The following PIK3C2G variants were observed in gnomAD, a reference collection of about 807,000 sequenced individuals.
The protein encoded by PIK3C2G is phosphatidylinositol-4-phosphate 3-kinase catalytic subunit type 2 gamma.
PIK3C2G carries 168 observed loss-of-function variants against 181.1 expected under a neutral mutation model. That is an observed-to-expected ratio of 0.93 (90% confidence interval 0.82 to 1.05). PIK3C2G has a LOEUF of 1.05. Ranked by LOEUF, PIK3C2G falls within the 50% of genes least tolerant of loss-of-function variation. The pLI, the probability that PIK3C2G is intolerant of heterozygous loss-of-function variation, is 0.00. For synonymous variants in PIK3C2G, 573 were observed against 592.2 expected, an observed-to-expected ratio of 0.97 and a Z score of 0.47; for missense variants, 1,869 against 1,732.8, an observed-to-expected ratio of 1.08 and a Z score of -1.40.
intron 2 of PIK3C2G, among the ~76,000 whole-genome samples, chr12:18,285,617 C>T (rs1048099556): frequency 6.6e-6 from 1 of 151,610 alleles, no homozygotes; most frequent in African/African-American, 2.4e-5. Flanking sequence ...ATATTAAATG[C>T]AATGGTACAA....
intron 31 of PIK3C2G, among the ~76,000 whole-genome samples, chr12:18,618,917 G>T (rs1948722581): frequency 6.6e-6 from 1 of 152,010 alleles, no homozygotes; most frequent in Non-Finnish European, 1.5e-5. Context: ...GAGGAAAAAA[G>T]ATTGAAATAA....
chr12:18,626,098 T>C (rs1262580894), intron 31 of PIK3C2G, among the ~76,000 whole-genome samples: 1 of 151,428 alleles, frequency 6.6e-6, no homozygotes, highest in Non-Finnish European at 1.5e-5. Flanking sequence ...AGATACTTGG[T>C]TTTTTTCTTC....
At chr12:18,660,561 G>C in the PIK3C2G span, among the ~76,000 whole-genome samples, 3 of 151,810 alleles carry the variant, frequency 2.0e-5, no homozygotes, top group Non-Finnish European at 4.4e-5. Flanking sequence ...GAAAGTAACT[G>C]TGCATGCCCG....
chr12:18,523,535 A>T (rs1430527238), intron 24 of PIK3C2G, among the ~76,000 whole-genome samples: 1 of 152,226 alleles, frequency 6.6e-6, no homozygotes, highest in East Asian at 1.9e-4. Flanking sequence ...GCCTCCTAGC[A>T]TGGGGAAGAC....
chr12:18,442,142 G>A (rs546909556), intron 18 of PIK3C2G, among the ~76,000 whole-genome samples: 1 of 152,206 alleles, frequency 6.6e-6, no homozygotes, highest in African/African-American at 2.4e-5. Context: ...TATACAATAT[G>A]TTTTTGCATC....
intron 29 of PIK3C2G, among the ~76,000 whole-genome samples, chr12:18,568,406 G>C (rs1411882995): frequency 1.3e-5 from 2 of 151,126 alleles, no homozygotes; most frequent in African/African-American, 4.8e-5. Context: ...GTGTGTGTGT[G>C]TGTGTGTCTG....
chr12:18,431,535 T>A (rs527561339), intron 18 of PIK3C2G, among the ~76,000 whole-genome samples: 1 of 152,184 alleles, frequency 6.6e-6, no homozygotes, highest in Admixed American at 6.5e-5. Context: ...TAAATACTGA[T>A]AAAGGCTTAC....
chr12:18,634,469 A>G (rs508378), intron 31 of PIK3C2G, among the ~76,000 whole-genome samples: 81,510 of 152,034 alleles, frequency 0.54, 23,391 homozygotes, highest in Admixed American at 0.63. Flanking sequence ...ACGCAAATCC[A>G]TTTTCACAGT....
At chr12:18,446,884 T>C (rs1333917203) in intron 18 of PIK3C2G, among the ~76,000 whole-genome samples, 2 of 152,164 alleles carry the variant, frequency 1.3e-5, no homozygotes, top group African/African-American at 4.8e-5. Context: ...TTTTCTTCTT[T>C]TAAATTTGAT....
intron 20 of PIK3C2G, 39 bp downstream of exon 20, chr12:18,491,597 G>T (rs750399946): frequency 8.8e-7 from 1 of 1,131,778 alleles, no homozygotes; most frequent in Non-Finnish European, 1.3e-6. Flanking sequence ...GAATATTTCT[G>T]TTTTGTATAG....
At chr12:18,639,621 CAG>C (rs1488502234) in intron 31 of PIK3C2G, among the ~76,000 whole-genome samples, 11 of 152,136 alleles carry the variant, frequency 7.2e-5, no homozygotes, top group African/African-American at 1.4e-4. Flanking sequence ...ATTTTTGAAA[CAG>C]GGGAGTCATT....
At chr12:18,498,594 C>T (rs961455672) in intron 22 of PIK3C2G, among the ~76,000 whole-genome samples, 2 of 150,842 alleles carry the variant, frequency 1.3e-5, no homozygotes, top group Non-Finnish European at 2.9e-5. Context: ...TCAAGCAGAG[C>T]TACAATTTAA....
chr12:18,591,456 G>A (rs1407041235), intron 29 of PIK3C2G, among the ~76,000 whole-genome samples: 1 of 151,842 alleles, frequency 6.6e-6, no homozygotes, highest in African/African-American at 2.4e-5. Context: ...TAACAAGAGT[G>A]AAGAAAAGAG....
chr12:18,561,253 A>G (rs898616353), intron 26 of PIK3C2G, among the ~76,000 whole-genome samples: 3 of 152,226 alleles, frequency 2.0e-5, no homozygotes, highest in Non-Finnish European at 4.4e-5. Flanking sequence ...ATACTATATG[A>G]TAGAGTTCAA....
chr12:18,371,173 T>C lies in PIK3C2G; in HGVS notation c.1749-7T>C, dbSNP rs1483692335. The C allele has an allele frequency of 1.2e-6, 2 of 1,600,432 alleles. No individual in the cohort carries two copies. Among genetic ancestry groups the C allele is most frequent in the East Asian group, 2.2e-5 (1 of 44,600 alleles). On this transcript the variant is annotated splice_region_variant and splice_polypyrimidine_tract_variant and intron_variant, in intron 12 of 32. Coordinates refer to ENST00000538779, the MANE Select transcript of PIK3C2G (RefSeq NM_001288772.2). ...TAGGTAATGCTTCTTCTTTCTTTTA[T>C]TCTCAGGATCAATTTTCCCCTTGAA...
chr12:18,621,586 T>C lies in PIK3C2G; in HGVS notation c.4182+11957T>C, dbSNP rs568546218. On this transcript the variant is annotated intron_variant, in intron 31 of 32. Coordinates refer to ENST00000538779, the MANE Select transcript of PIK3C2G (RefSeq NM_001288772.2). ...ACATGTGTATAACATGTTTTATATA[T>C]ATGTTATTAACATATATGTATATAA... Among the ~76,000 whole-genome samples, 9 of 151,852 alleles carry C rather than the reference T, an allele frequency of 5.9e-5. No homozygotes were observed. The East Asian group carries it at 1.5e-3, about 26-fold the overall frequency.
intron 17 of PIK3C2G, among the ~76,000 whole-genome samples, chr12:18,421,600 T>C (rs1440689475): frequency 6.6e-6 from 1 of 152,024 alleles, no homozygotes; most frequent in Non-Finnish European, 1.5e-5. Flanking sequence ...TATAAACAAG[T>C]AAATTAAACA....
intron 29 of PIK3C2G, among the ~76,000 whole-genome samples, chr12:18,583,091 A>G (rs919514913): frequency 6.6e-6 from 1 of 152,130 alleles, no homozygotes; most frequent in African/African-American, 2.4e-5. Context: ...CTGCTTTTTC[A>G]TATGGATTCT....
the PIK3C2G span, among the ~76,000 whole-genome samples, chr12:18,685,067 C>G: frequency 6.6e-6 from 1 of 151,970 alleles, no homozygotes; most frequent in South Asian, 2.1e-4. Flanking sequence ...TATCCAGTCT[C>G]AGGTAGAATC....
Sources: allele counts gnomAD v4.1 joint callset (sites outside exome capture counted in the v4.1 genomes callset), GRCh38; gene constraint gnomAD v4.1.1; transcripts MANE v1.5; gene names NCBI Gene and HGNC (gene_info 2026-07-23, HGNC 2026-07-21).